Variants in FHIP1A observed in about 807,000 individuals in gnomAD.
FHIP1A encodes FHF complex subunit HOOK-interacting protein 1A.
FHIP1A carries 61 observed loss-of-function variants against 88.6 expected under a neutral mutation model. That is an observed-to-expected ratio of 0.69 (90% CI 0.56 to 0.85). The LOEUF (loss-of-function observed/expected upper bound fraction) is 0.85. FHIP1A is among the 40% of genes least tolerant of loss of function. The probability of loss-of-function intolerance (pLI) is 0.00; values close to 1 mark genes in which losing one functional copy is unlikely to be tolerated. For synonymous variants in FHIP1A, 478 were observed against 496.0 expected (o/e 0.96, Z 0.48); for missense variants, 1,154 against 1,273.5 (o/e 0.91, Z 1.43).
At chr4:151,510,811 A>C (rs1330349868) in intron 3 of FHIP1A, among the ~76,000 whole-genome samples, 1 of 152,224 alleles carries the variant, frequency 6.6e-6, no homozygotes, top group Non-Finnish European at 1.5e-5. Flanking sequence ...TGGATGAAGG[A>C]GACATTTTTG....
chr4:151,551,720 C>T (rs1234521736), intron 3 of FHIP1A, among the ~76,000 whole-genome samples: 1 of 152,146 alleles, frequency 6.6e-6, no homozygotes, highest in East Asian at 1.9e-4. Context: ...AGATCTAAAA[C>T]CATAAAAGCC....
chr4:151,502,548 A>C (rs769756944), intron 3 of FHIP1A, among the ~76,000 whole-genome samples: 3 of 152,186 alleles, frequency 2.0e-5, no homozygotes, highest in African/African-American at 7.2e-5. Flanking sequence ...TAGATAGGGC[A>C]ACAGGAATCA....
chr4:151,511,959 A>G (rs1235257059), intron 3 of FHIP1A, among the ~76,000 whole-genome samples: 1 of 152,228 alleles, frequency 6.6e-6, no homozygotes, highest in Non-Finnish European at 1.5e-5. Flanking sequence ...GCAGCTGGAG[A>G]TCTGAGAATG....
intron 1 of FHIP1A, among the ~76,000 whole-genome samples, chr4:151,426,903 T>G (rs964688518): frequency 2.0e-5 from 3 of 152,168 alleles, no homozygotes; most frequent in African/African-American, 7.2e-5. Flanking sequence ...CCCTCCTCAC[T>G]CCTGTGCTAG....
chr4:151,552,463 T>C (rs1367602371), intron 3 of FHIP1A, among the ~76,000 whole-genome samples: 2 of 152,170 alleles, frequency 1.3e-5, no homozygotes, highest in South Asian at 2.1e-4. Flanking sequence ...TAAGAAAATG[T>C]GGCACATATA....
At chr4:151,608,608 C>A (rs1560797256) in intron 7 of FHIP1A, among the ~76,000 whole-genome samples, 1 of 152,172 alleles carries the variant, frequency 6.6e-6, no homozygotes, top group East Asian at 1.9e-4. Context: ...CTGATCTATG[C>A]CCTTGTGCCG....
intron 1 of FHIP1A, among the ~76,000 whole-genome samples, chr4:151,420,710 TC>T (rs1446624492): frequency 6.6e-6 from 1 of 152,228 alleles, no homozygotes; most frequent in Admixed American, 6.5e-5. Context: ...TATTTCCACA[TC>T]CCTCCACTGT....
chr4:151,482,692 T>C (rs1329641314), intron 3 of FHIP1A, 44 bp downstream of exon 3: 1 of 151,570 alleles, frequency 6.6e-6, no homozygotes, highest in Non-Finnish European at 1.5e-5. Flanking sequence ...TGTTCAGTAA[T>C]GCTCAATAAT....
intron 3 of FHIP1A, among the ~76,000 whole-genome samples, chr4:151,561,301 A>T (rs1733162098): frequency 6.6e-6 from 1 of 152,308 alleles, no homozygotes; most frequent in Admixed American, 6.5e-5. Context: ...GAGTTAAACT[A>T]TGGCAAATTG....
chr4:151,549,679 A>G (rs1201561960), intron 3 of FHIP1A, among the ~76,000 whole-genome samples: 1 of 152,102 alleles, frequency 6.6e-6, no homozygotes, highest in Non-Finnish European at 1.5e-5. Flanking sequence ...CCTATGGAGT[A>G]GCCATTCTTT....
At chr4:151,421,481 T>A (rs185718486) in intron 1 of FHIP1A, among the ~76,000 whole-genome samples, 11 of 152,320 alleles carry the variant, frequency 7.2e-5, no homozygotes, top group East Asian at 5.8e-4. Flanking sequence ...TTTAAAAAAA[T>A]TTTTTCAGTG....
chr4:151,508,173 G>A (rs1730899873), intron 3 of FHIP1A, among the ~76,000 whole-genome samples: 2 of 152,222 alleles, frequency 1.3e-5, no homozygotes, highest in Admixed American at 1.3e-4. Flanking sequence ...ATTTTATGTG[G>A]CTCTGTGCTT....
At position 151,664,264 on chromosome 4, in the gene FHIP1A, G is replaced by A. The variant is rs928264951; in HGVS notation, c.*1510G>A. On this transcript the variant is annotated 3_prime_UTR_variant, in exon 14 of 14. Transcript: ENST00000435205. ...AGGAGCACTGGTTTGGTCTTAATCA[G>A]GCCTTTCATGCACAGGCAGGGCAGT... Among the ~76,000 whole-genome samples the A allele has an allele frequency of 1.3e-5, 2 of 152,198 alleles. No individual in the cohort carries two copies. Among genetic ancestry groups the A allele is most frequent in the Non-Finnish European group, 2.9e-5 (2 of 68,046 alleles).
intron 8 of FHIP1A, among the ~76,000 whole-genome samples, chr4:151,632,898 C>G (rs1736209004): frequency 6.6e-6 from 1 of 151,976 alleles, no homozygotes; most frequent in Middle Eastern, 3.4e-3. Flanking sequence ...AACAACCTAA[C>G]TATACATCTT....
chr4:151,630,819 T>A (rs1047838053), intron 8 of FHIP1A, among the ~76,000 whole-genome samples: 3 of 152,192 alleles, frequency 2.0e-5, no homozygotes, highest in Non-Finnish European at 4.4e-5. Context: ...TGTTCTCTGA[T>A]CATGATGGAT....
chr4:151,457,646 T>C (rs1047816729), intron 2 of FHIP1A, among the ~76,000 whole-genome samples: 1 of 152,218 alleles, frequency 6.6e-6, no homozygotes, highest in Non-Finnish European at 1.5e-5. Flanking sequence ...GGCTCCTTTC[T>C]GTGTTTTTAA....
intron 3 of FHIP1A, among the ~76,000 whole-genome samples, chr4:151,558,388 T>C (rs1182665838): frequency 6.6e-6 from 1 of 151,802 alleles, no homozygotes; most frequent in Non-Finnish European, 1.5e-5. Flanking sequence ...ATACAAAAAT[T>C]AGCCAGGCGT....
At chr4:151,580,949 C>G (rs754340922) in intron 5 of FHIP1A, among the ~76,000 whole-genome samples, 57 of 152,292 alleles carry the variant, frequency 3.7e-4, no homozygotes, top group Non-Finnish European at 6.2e-4. Context: ...CCTCCGCCTC[C>G]CGGGTTCAAG....
At chr4:151,459,435 C>CCTTCT (rs1729075444) in intron 2 of FHIP1A, among the ~76,000 whole-genome samples, 1 of 152,058 alleles carries the variant, frequency 6.6e-6, no homozygotes, top group Admixed American at 6.6e-5. Flanking sequence ...CTAGGGAATC[C>CCTTCT]CTTCTGTTAA....
Sources: gnomAD v4.1 joint callset for allele counts (sites outside exome capture counted in the v4.1 genomes callset) on GRCh38, gnomAD v4.1.1 for gene constraint, MANE v1.5 for transcripts, NCBI Gene and HGNC (gene_info 2026-07-23, HGNC 2026-07-21) for gene names.